DIPK1A: variants seen among roughly 807,000 people sequenced by gnomAD.
DIPK1A encodes the protein family with sequence similarity 69 member A.
In DIPK1A, 27 loss-of-function variants were observed where a neutral mutation model predicts 40.8. The ratio of observed to expected loss-of-function variants is 0.66; its 90% CI spans 0.49 to 0.91. The LOEUF (loss-of-function observed/expected upper bound fraction) is 0.91, where lower values mean the gene tolerates loss of function less well. Among genes scored for constraint, DIPK1A ranks in the 40% least tolerant of loss-of-function variants. The pLI is 0.00. For synonymous variants in DIPK1A, 166 were observed against 171.3 expected (o/e 0.97, Z 0.24); for missense variants, 412 against 505.7 (o/e 0.81, Z 1.78).
chr1:92,845,227 G>A (rs551665393), intron 4 of DIPK1A, among the ~76,000 whole-genome samples: 6 of 149,738 alleles, frequency 4.0e-5, no homozygotes, highest in Admixed American at 2.7e-4. Flanking sequence ...GATTACAGGC[G>A]TGAGCCACCG....
chr1:92,905,986 T>G (rs1412773543), intron 1 of DIPK1A, among the ~76,000 whole-genome samples: 1 of 152,120 alleles, frequency 6.6e-6, no homozygotes, highest in Non-Finnish European at 1.5e-5. Flanking sequence ...GTCTCTGTGC[T>G]TGTTTTTATG....
intron 1 of DIPK1A, among the ~76,000 whole-genome samples, chr1:92,958,414 C>T (rs1033036812): frequency 3.3e-5 from 5 of 152,200 alleles, no homozygotes; most frequent in Non-Finnish European, 7.3e-5. Flanking sequence ...TTGACCCCAT[C>T]CAGTTAAAGA....
intron 1 of DIPK1A, among the ~76,000 whole-genome samples, chr1:92,948,519 A>G (rs111250897): frequency 6.7e-6 from 1 of 150,068 alleles, no homozygotes; most frequent in East Asian, 2.0e-4. Flanking sequence ...CTTGAGCTCA[A>G]GTGATCCTCT....
intron 1 of DIPK1A, among the ~76,000 whole-genome samples, chr1:92,906,263 T>C (rs549934647): frequency 4.5e-4 from 69 of 152,270 alleles, no homozygotes; most frequent in Admixed American, 4.2e-3. Context: ...CATTAATATA[T>C]GGATAATAGG....
chr1:92,845,529 A>C (rs1252701213), intron 4 of DIPK1A: 10 of 289,204 alleles, frequency 3.5e-5, no homozygotes, highest in Middle Eastern at 1.9e-3. Flanking sequence ...AAAAAAAAAA[A>C]CCGTCTCTGC....
intron 1 of DIPK1A, among the ~76,000 whole-genome samples, chr1:92,956,774 G>A (rs745489662): frequency 3.3e-5 from 5 of 152,176 alleles, no homozygotes; most frequent in Admixed American, 6.5e-5. Context: ...TGTTAAACAA[G>A]TGCAAACACC....
At position 92,843,142 on chromosome 1, in the gene DIPK1A, T is replaced by C; in HGVS notation, c.*241A>G. Reference sequence around the variant, plus strand: ...TGGTTTTTAAAGTCAGTCAAAATAGTTACACAATGAATGTACTTCGGAGAT... The same window carrying C: ...TGGTTTTTAAAGTCAGTCAAAATAGCTACACAATGAATGTACTTCGGAGAT... On this transcript the variant is annotated 3_prime_UTR_variant, in exon 5 of 5. Transcript: ENST00000370310. 1.7e-6 allele frequency: 2 copies of C among 1,210,204 alleles called. No homozygotes were observed. Among genetic ancestry groups the C allele is most frequent in the Non-Finnish European group, 2.1e-6 (2 of 968,668 alleles). 75.0% of individuals were successfully genotyped at this position (1,210,204 alleles called of 1,614,324 possible).
intron 1 of DIPK1A, among the ~76,000 whole-genome samples, chr1:92,904,236 GT>G (rs991618355): frequency 1.5e-4 from 23 of 152,290 alleles, no homozygotes; most frequent in African/African-American, 5.3e-4. Flanking sequence ...AAATAAAAGT[GT>G]TTTTGCTGTG....
At chr1:92,938,852 C>G (rs75604160) in intron 1 of DIPK1A, among the ~76,000 whole-genome samples, 314 of 152,304 alleles carry the variant, frequency 2.1e-3, no homozygotes, top group Admixed American at 3.9e-3. Flanking sequence ...AAATCTCATG[C>G]TAAAGCATAT....
At chr1:92,887,934 G>GT (rs995890841) in intron 1 of DIPK1A, among the ~76,000 whole-genome samples, 12 of 151,024 alleles carry the variant, frequency 7.9e-5, no homozygotes, top group African/African-American at 7.3e-5. Context: ...AGTTACCTGA[G>GT]TTTTTTTTTA....
At chr1:92,954,260 T>C (rs886323355) in intron 1 of DIPK1A, among the ~76,000 whole-genome samples, 1 of 151,504 alleles carries the variant, frequency 6.6e-6, no homozygotes, top group African/African-American at 2.4e-5. Context: ...ACCCAGGAGT[T>C]TGAGACCAGC....
In DIPK1A at chr1:92,941,832, G is replaced by A. The variant is rs371635238; in HGVS notation, c.54+19544C>T. Among the ~76,000 whole-genome samples the A allele has an allele frequency of 1.3e-3, 203 of 152,158 alleles. 1 individual carries two copies. The highest frequency in any genetic ancestry group is 0.011 in the South Asian group (54 of 4,830). ...CTATACTCGAAAAGTGCACTCAAATGTACAGATAAAAGCCAAGAGTGGTGG... is the reference window on the plus strand; with the variant it reads ...CTATACTCGAAAAGTGCACTCAAATATACAGATAAAAGCCAAGAGTGGTGG... On this transcript the variant is annotated intron_variant, in intron 1 of 4. Coordinates refer to ENST00000370310, the MANE Select transcript of DIPK1A (RefSeq NM_001006605.5).
rs934074614 is a variant in DIPK1A, at chr1:92,932,607, C to T, written c.54+28769G>A. ...GTAGAGAAATCTTAAATGTGTATTC[C>T]TTTTGTAGTCATTTTAAGATTTTAG... On this transcript the variant is annotated intron_variant, in intron 1 of 4. Coordinates refer to ENST00000370310, the MANE Select transcript of DIPK1A (RefSeq NM_001006605.5). 5 of 152,212 alleles carry T rather than the reference C, an allele frequency of 3.3e-5. No individual in the cohort carries two copies. The East Asian group carries it at 7.7e-4, about 23-fold the overall frequency. 9.4% of individuals were successfully genotyped at this position (152,212 alleles called of 1,614,324 possible). A position where few individuals can be genotyped will look rare whatever the true frequency, so the allele number is the denominator to read the frequency against.
intron 1 of DIPK1A, among the ~76,000 whole-genome samples, chr1:92,901,799 A>C (rs1649421579): frequency 6.6e-6 from 1 of 152,108 alleles, no homozygotes. Flanking sequence ...CAATGACTAT[A>C]TACCCCAAGG....
intron 1 of DIPK1A, among the ~76,000 whole-genome samples, chr1:92,891,579 G>A (rs1472680065): frequency 1.3e-5 from 2 of 152,166 alleles, no homozygotes; most frequent in African/African-American, 2.4e-5. Flanking sequence ...CTCCCAGCAT[G>A]AGCGATGCAG....
At chr1:92,933,068 C>T (rs1466275533) in intron 1 of DIPK1A, 3 of 151,724 alleles carry the variant, frequency 2.0e-5, no homozygotes, top group Non-Finnish European at 2.9e-5. Context: ...TTAATTTTGC[C>T]GCAAATTTTA....
At chr1:92,927,244 G>A (rs934738950) in intron 1 of DIPK1A, among the ~76,000 whole-genome samples, 16 of 151,886 alleles carry the variant, frequency 1.1e-4, no homozygotes, top group Admixed American at 3.9e-4. Context: ...GTACAGTGGC[G>A]ATCACAGTCC....
chr1:92,881,849 A>G (rs571106517), intron 1 of DIPK1A, among the ~76,000 whole-genome samples: 2 of 152,154 alleles, frequency 1.3e-5, no homozygotes, highest in South Asian at 4.1e-4. Flanking sequence ...ATTATGGATA[A>G]TTTTTATTTT....
intron 1 of DIPK1A, among the ~76,000 whole-genome samples, chr1:92,948,702 T>C (rs898664717): frequency 6.8e-6 from 1 of 146,036 alleles, no homozygotes; most frequent in South Asian, 2.1e-4. Context: ...TATACACATA[T>C]GTATATACAC....
Sources: allele counts gnomAD v4.1 joint callset (sites outside exome capture counted in the v4.1 genomes callset), GRCh38; gene constraint gnomAD v4.1.1; transcripts MANE v1.5; gene names NCBI Gene and HGNC (gene_info 2026-07-23, HGNC 2026-07-21).